GDAP1: variants seen among roughly 807,000 people sequenced by gnomAD.
GDAP1 encodes ganglioside induced differentiation associated protein 1.
Under a neutral mutation model 40.1 loss-of-function variants are expected in GDAP1, and 34 were observed. That is an observed-to-expected ratio of 0.85 (90% CI 0.64 to 1.13). The LOEUF is 1.13. GDAP1 is among the 50% of genes most tolerant of loss of function. The pLI is 0.00. For missense variants in GDAP1, 374 were observed against 433.7 expected (o/e 0.86, Z 1.22); for synonymous variants, 170 against 157.4 (o/e 1.08, Z -0.60).
intron 2 of GDAP1, among the ~76,000 whole-genome samples, chr8:74,420,407 G>T (rs550074792): frequency 6.6e-6 from 1 of 152,160 alleles, no homozygotes; most frequent in East Asian, 1.9e-4. Context: ...AGGAAATGAA[G>T]GTATCAAAGA....
At position 74,366,577 on chromosome 8, in the gene GDAP1, CATCA is replaced by C; in HGVS notation, c.*2213_*2216del. ...ATTATCGGTGACTGGTCAGTGTACTCATCAATTTCCAAAATTTGTATAAATATCA... is the reference window on the plus strand; with the variant it reads ...ATTATCGGTGACTGGTCAGTGTACTCATTTCCAAAATTTGTATAAATATCA... On this transcript the variant is annotated 3_prime_UTR_variant, in exon 6 of 6. Transcript: ENST00000220822. 1 of 453,474 alleles carries C rather than the reference CATCA, an allele frequency of 2.2e-6. No individual in the cohort carries two copies. The highest frequency in any genetic ancestry group is 1.6e-5 in the South Asian group (1 of 64,280). 28.1% of individuals were successfully genotyped at this position (453,474 alleles called of 1,614,324 possible).
intron 2 of GDAP1, among the ~76,000 whole-genome samples, chr8:74,403,631 A>G (rs1302362841): frequency 6.7e-6 from 1 of 150,310 alleles, no homozygotes; most frequent in Non-Finnish European, 1.5e-5. Flanking sequence ...TATATGGATT[A>G]TGGTCAGCAG....
chr8:74,434,114 G>C (rs1196230419), intron 2 of GDAP1, among the ~76,000 whole-genome samples: 1 of 152,194 alleles, frequency 6.6e-6, no homozygotes, highest in Non-Finnish European at 1.5e-5. Context: ...TAAACCTGAG[G>C]ATGGTCTGAA....
At chr8:74,393,097 CA>C (rs1157873195) in intron 2 of GDAP1, among the ~76,000 whole-genome samples, 1 of 152,156 alleles carries the variant, frequency 6.6e-6, no homozygotes, top group African/African-American at 2.4e-5. Context: ...TTCATATATT[CA>C]TCAGTGTCTG....
At chr8:74,393,913 C>T (rs1810151745) in intron 2 of GDAP1, among the ~76,000 whole-genome samples, 2 of 152,138 alleles carry the variant, frequency 1.3e-5, no homozygotes, top group Non-Finnish European at 2.9e-5. Context: ...TTTGAGACTT[C>T]TATTTTCCCC....
At chr8:74,411,818 G>A (rs888475604) in intron 2 of GDAP1, among the ~76,000 whole-genome samples, 1 of 149,360 alleles carries the variant, frequency 6.7e-6, no homozygotes, top group Admixed American at 6.6e-5. Context: ...GGAGGTCGAG[G>A]CTGTGGTGAG....
chr8:74,441,944 T>C (rs1806167394), intron 2 of GDAP1, among the ~76,000 whole-genome samples: 1 of 152,218 alleles, frequency 6.6e-6, no homozygotes, highest in Non-Finnish European at 1.5e-5. Context: ...CATCTTGATT[T>C]ATCAGACTGA....
chr8:74,382,436 A>G (rs1278999179), intron 2 of GDAP1, among the ~76,000 whole-genome samples: 1 of 147,272 alleles, frequency 6.8e-6, no homozygotes, highest in African/African-American at 2.5e-5. Context: ...AAATATTTAC[A>G]AGCATGAAGT....
At chr8:74,478,045 G>A (rs187850695) in intron 2 of GDAP1, among the ~76,000 whole-genome samples, 2 of 150,270 alleles carry the variant, frequency 1.3e-5, no homozygotes, top group Admixed American at 1.3e-4. Flanking sequence ...AGCCAGGACG[G>A]CTTTACTGTT....
intron 3 of GDAP1, 81 bp from the exon 4 acceptor site, chr8:74,361,803 A>G: frequency 1.2e-6 from 1 of 846,200 alleles, no homozygotes; most frequent in East Asian, 2.4e-5. Context: ...TGCTCTTGTC[A>G]TTGAGTTTCT....
intron 2 of GDAP1, among the ~76,000 whole-genome samples, chr8:74,435,224 A>C (rs1334283794): frequency 1.3e-5 from 2 of 152,196 alleles, no homozygotes; most frequent in African/African-American, 4.8e-5. Flanking sequence ...TGAAAAGACA[A>C]TCTTTAGTCC....
chr8:74,381,663 G>A (rs1586816149), intron 2 of GDAP1, among the ~76,000 whole-genome samples: 1 of 151,876 alleles, frequency 6.6e-6, no homozygotes, highest in East Asian at 1.9e-4. Context: ...GGCTGAGGCA[G>A]GAGAATCGCT....
In GDAP1 at chr8:74,407,690, C is replaced by T. The variant is rs184384549; in HGVS notation, c.165+56369C>T. Reference sequence around the variant, plus strand: ...TATATATTCTATTAGTTCTGTCCCTCTAGAAAACCCTGACTAATATACCTG... The same window carrying T: ...TATATATTCTATTAGTTCTGTCCCTTTAGAAAACCCTGACTAATATACCTG... On this transcript the variant is annotated intron_variant, in intron 2 of 2. Coordinates refer to the GDAP1 transcript ENST00000523640. Among the ~76,000 whole-genome samples, 61 of 124,868 alleles carry T rather than the reference C, an allele frequency of 4.9e-4. 1 individual carries two copies. The highest frequency in any genetic ancestry group is 7.9e-4 in the Non-Finnish European group (44 of 55,826). The allele number at this position is 124,868 out of a possible 152,430, so 81.9% of individuals were successfully genotyped here.
intron 2 of GDAP1, among the ~76,000 whole-genome samples, chr8:74,483,602 T>C (rs1806740070): frequency 6.6e-6 from 1 of 152,166 alleles, no homozygotes; most frequent in African/African-American, 2.4e-5. Flanking sequence ...GCAGTGTCTT[T>C]AGTTATGTGT....
intron 2 of GDAP1, among the ~76,000 whole-genome samples, chr8:74,354,108 A>C (rs537324468): frequency 5.5e-4 from 83 of 152,168 alleles, no homozygotes; most frequent in Non-Finnish European, 1.0e-3. Flanking sequence ...CAGATGAATA[A>C]ACTACCATAT....
chr8:74,465,743 A>G (rs1586843204), intron 2 of GDAP1, among the ~76,000 whole-genome samples: 2 of 150,232 alleles, frequency 1.3e-5, no homozygotes, highest in Admixed American at 1.3e-4. Flanking sequence ...TGCTTCAGGC[A>G]CACTGATAAT....
rs79356817 is a variant in GDAP1 at position 74,488,590 on chromosome 8, T to C, written c.166-88T>C. 217 of 152,350 alleles carry C rather than the reference T, an allele frequency of 1.4e-3. 1 individual carries two copies. The highest frequency in any genetic ancestry group is 4.9e-3 in the African/African-American group (205 of 41,588). The allele number at this position is 152,350 out of a possible 1,614,324, so 9.4% of individuals were successfully genotyped here. A position where few individuals can be genotyped will look rare whatever the true frequency, so the allele number is the denominator to read the frequency against. ...ACATTGAGACTTATTTTGGTTAATA[T>C]GTTCTTACAAACTATATAATTAAAT... On this transcript the variant is annotated intron_variant, in intron 2 of 2. Transcript: ENST00000523640.
At chr8:74,466,979 C>T (rs1425060187) in intron 2 of GDAP1, among the ~76,000 whole-genome samples, 1 of 152,166 alleles carries the variant, frequency 6.6e-6, no homozygotes, top group Non-Finnish European at 1.5e-5. Flanking sequence ...GGACTCTAAT[C>T]CATAGCCCTA....
At position 74,350,526 on chromosome 8, in the gene GDAP1, C is replaced by G. The variant is rs148197760; in HGVS notation, c.65C>G (p.Ala22Gly). Residue 22 changes from alanine to glycine, a missense_variant, in exon 1 of 6, where the codon GCG becomes GGG. Coordinates refer to ENST00000220822, the MANE Select transcript of GDAP1 (RefSeq NM_018972.4). Reference sequence around the variant, plus strand: ...TTGAGGGCGGAAGGCAAGGCCGACGCGGAGGTTAAGCTCATTCTGTACCAT... The same window carrying G: ...TTGAGGGCGGAAGGCAAGGCCGACGGGGAGGTTAAGCTCATTCTGTACCAT... ...PPLRAEGKADAEVKLILYHWT... is the reference protein window; with the variant it reads ...PPLRAEGKADGEVKLILYHWT... 9 of 1,613,396 alleles carry G rather than the reference C, an allele frequency of 5.6e-6. No homozygotes were observed. Among genetic ancestry groups the G allele is most frequent in the Non-Finnish European group, 7.6e-6 (9 of 1,179,440 alleles).
Sources: allele counts gnomAD v4.1 joint callset (sites outside exome capture counted in the v4.1 genomes callset), GRCh38; gene constraint gnomAD v4.1.1; transcripts MANE v1.5; gene names NCBI Gene and HGNC (gene_info 2026-07-23, HGNC 2026-07-21).